Variants in CSMD2 observed in about 807,000 individuals in gnomAD.
CSMD2 encodes CUB and Sushi multiple domains 2.
Under a neutral mutation model 398.5 loss-of-function variants are expected in CSMD2, and 130 were observed. The ratio of observed to expected loss-of-function variants is 0.33; its 90% confidence interval spans 0.28 to 0.38. CSMD2 has a LOEUF of 0.38. CSMD2 is among the 10% of genes least tolerant of loss of function. The pLI is 1.00. For missense variants in CSMD2, 3,829 were observed against 4,764.9 expected (o/e 0.80, Z 5.78); for synonymous variants, 1,828 against 1,908.5 (o/e 0.96, Z 1.10).
chr1:34,032,604 G>A lies in CSMD2; in HGVS notation c.507C>T (p.Ala169=). The A allele has an allele frequency of 6.3e-7, 1 of 1,587,024 alleles. No individual in the cohort carries two copies. Among genetic ancestry groups the A allele is most frequent in the Non-Finnish European group, 8.6e-7 (1 of 1,166,658 alleles). ...GAGGGAGGCACTTACCTTCATAGGT[G>A]GCGTGGAAGCCTTGGGCACTGACTG... The part of the protein sequence containing the change: ...DYAVSAQGFH[A]TYEVLPSHTC... The change falls in exon 3 of 71, where the codon GCC becomes GCT. Residue 169 remains alanine (A), a synonymous_variant. Transcript: ENST00000373381.
At chr1:33,975,046 A>C (rs6668692) in intron 3 of CSMD2, among the ~76,000 whole-genome samples, 12,202 of 152,258 alleles carry the variant, frequency 0.08, 936 homozygotes, top group East Asian at 0.37. Flanking sequence ...CCACTGCACA[A>C]AGCTCTGCTC....
At chr1:34,135,271 C>G (rs1446726535) in intron 1 of CSMD2, among the ~76,000 whole-genome samples, 1 of 149,062 alleles carries the variant, frequency 6.7e-6, no homozygotes, top group Non-Finnish European at 1.5e-5. Flanking sequence ...CACACACACA[C>G]ACACACACAC....
chr1:33,967,188 T>C (rs143482380), intron 3 of CSMD2, among the ~76,000 whole-genome samples: 45 of 151,792 alleles, frequency 3.0e-4, no homozygotes, highest in African/African-American at 1.0e-3. Context: ...TTTGATCTCA[T>C]ATTTATGGAA....
At position 33,838,247 on chromosome 1, in the gene CSMD2, A is replaced by G. The variant is rs556659155; in HGVS notation, c.1033+8637T>C. Among the ~76,000 whole-genome samples, 111 of 152,184 alleles carry G rather than the reference A, an allele frequency of 7.3e-4. 1 individual carries two copies. Among genetic ancestry groups the G allele is most frequent in the Middle Eastern group, 3.4e-3 (1 of 294 alleles). The stretch of plus-strand genomic sequence containing the variant: ...TGCCACTACTCCTTCTCCAAATCCA[A>G]TTTGCTCAGCCTTATACAATTTCTC... On this transcript the variant is annotated intron_variant, in intron 6 of 70. Coordinates refer to ENST00000373381, the MANE Select transcript of CSMD2 (RefSeq NM_001281956.2).
Position 33,953,923 on chromosome 1 carries a change from T to A in CSMD2, c.518-17969A>T, listed in dbSNP as rs534245611. 2.6e-5 allele frequency among the ~76,000 whole-genome samples: 4 copies of A among 152,286 alleles called. No homozygotes were observed. The East Asian group carries it at 7.7e-4, about 29-fold the overall frequency. ...ACAAGCCCAGTGCTCAGAATCCCAG[T>A]ACCACTGCCCAGTGATTCTGGTTCC... On this transcript the variant is annotated intron_variant, in intron 3 of 70. Coordinates refer to ENST00000373381, the MANE Select transcript of CSMD2 (RefSeq NM_001281956.2).
intron 1 of CSMD2, among the ~76,000 whole-genome samples, chr1:34,100,153 C>A (rs1659807932): frequency 6.6e-6 from 1 of 152,154 alleles, no homozygotes; most frequent in South Asian, 2.1e-4. Context: ...TTGTGTGCTA[C>A]TTTTTCTGTA....
At chr1:33,860,151 T>TGGCC (rs765144624) in intron 5 of CSMD2, among the ~76,000 whole-genome samples, 72 of 152,308 alleles carry the variant, frequency 4.7e-4, no homozygotes, top group Non-Finnish European at 8.2e-4. Context: ...TTTCCACCAG[T>TGGCC]GGCCCACTTT....
chr1:33,900,887 G>A (rs1382622438), intron 5 of CSMD2, among the ~76,000 whole-genome samples: 3 of 152,190 alleles, frequency 2.0e-5, no homozygotes, highest in Non-Finnish European at 4.4e-5. Context: ...TACTGTTGAA[G>A]GTATATTAAG....
intron 3 of CSMD2, among the ~76,000 whole-genome samples, chr1:34,026,681 G>T (rs558510735): frequency 1.8e-4 from 27 of 152,358 alleles, no homozygotes; most frequent in African/African-American, 6.5e-4. Flanking sequence ...CTTACCTGGC[G>T]ATCAGTCTGG....
intron 3 of CSMD2, among the ~76,000 whole-genome samples, chr1:33,936,565 A>T (rs1644486491): frequency 6.6e-6 from 1 of 152,228 alleles, no homozygotes; most frequent in Non-Finnish European, 1.5e-5. Flanking sequence ...GGGAGCCAGG[A>T]AACACCATGC....
intron 9 of CSMD2, among the ~76,000 whole-genome samples, chr1:33,811,947 G>A (rs1297596791): frequency 6.6e-6 from 1 of 152,180 alleles, no homozygotes; most frequent in Non-Finnish European, 1.5e-5. Context: ...TGAAAGTGGT[G>A]TCAAACCTAG....
intron 5 of CSMD2, among the ~76,000 whole-genome samples, chr1:33,895,212 A>C (rs1015355893): frequency 6.6e-6 from 1 of 152,242 alleles, no homozygotes; most frequent in Non-Finnish European, 1.5e-5. Context: ...AAGCTAAAGA[A>C]ACCGAGGCTC....
At chr1:33,752,817 G>A (rs1176278459) in intron 13 of CSMD2, among the ~76,000 whole-genome samples, 1 of 152,220 alleles carries the variant, frequency 6.6e-6, no homozygotes, top group Non-Finnish European at 1.5e-5. Context: ...ATGGAAATGA[G>A]GAACTTATGG....
rs1638638883 is a variant in CSMD2 at position 33,580,769 on chromosome 1, G to C, written c.7371C>G (p.Phe2457Leu). 6.2e-7 allele frequency: 1 copy of C among 1,614,028 alleles called. No individual in the cohort carries two copies. The highest frequency in any genetic ancestry group is 1.3e-5 in the African/African-American group (1 of 74,914). Residue 2457 changes from phenylalanine (F) to leucine (L), a missense_variant, in exon 48 of 71, where the codon TTC (phenylalanine) becomes TTG (leucine). Coordinates refer to ENST00000373381, the MANE Select transcript of CSMD2 (RefSeq NM_001281956.2). Reference protein sequence around the residue: ...SSDHAYNRKGFKIRYSAPYCS... With the variant: ...SSDHAYNRKGLKIRYSAPYCS... ...TTCACTCACCTGAATAGCGGATCTT[G>C]AAGCCCTTCCGATTGTAGGCGTGAT... is the stretch of plus-strand genomic sequence containing the variant.
chr1:33,634,612 C>T (rs1571024991), intron 31 of CSMD2, among the ~76,000 whole-genome samples: 1 of 152,160 alleles, frequency 6.6e-6, no homozygotes. Context: ...CTTGAATGTC[C>T]CCACTGCCAA....
chr1:33,622,835 T>A (rs929555634), intron 36 of CSMD2, among the ~76,000 whole-genome samples: 21 of 152,248 alleles, frequency 1.4e-4, no homozygotes, highest in African/African-American at 5.1e-4. Context: ...CTCCTAGGTA[T>A]ATACTCAAGA....
At chr1:33,645,508 A>G (rs1643377766) in intron 29 of CSMD2, among the ~76,000 whole-genome samples, 2 of 152,172 alleles carry the variant, frequency 1.3e-5, no homozygotes, top group African/African-American at 4.8e-5. Flanking sequence ...CAAGCTCACA[A>G]ATCAAGCAAG....
At chr1:33,614,685 G>C (rs543997373) in intron 39 of CSMD2, 65 bp from the exon 40 acceptor site, 183 of 867,296 alleles carry the variant, frequency 2.1e-4, no homozygotes, top group Non-Finnish European at 3.0e-4. Context: ...CCCTGCCAAT[G>C]TTTGGAAGCT....
intron 6 of CSMD2, among the ~76,000 whole-genome samples, chr1:33,829,796 C>T (rs1188987526): frequency 6.6e-6 from 1 of 152,146 alleles, no homozygotes; most frequent in African/African-American, 2.4e-5. Context: ...AATCGGGTCA[C>T]TCCCACCCGA....
Sources: gnomAD v4.1 joint callset for allele counts (sites outside exome capture counted in the v4.1 genomes callset) on GRCh38, gnomAD v4.1.1 for gene constraint, MANE v1.5 for transcripts, NCBI Gene and HGNC (gene_info 2026-07-23, HGNC 2026-07-21) for gene names.